CCDC27: variants seen among roughly 807,000 people sequenced by gnomAD.
The protein encoded by CCDC27 is coiled-coil domain containing 27.
CCDC27 carries 80 observed loss-of-function variants against 80.3 expected under a neutral mutation model. The ratio of observed to expected loss-of-function variants is 1.00; its 90% CI spans 0.83 to 1.20. The LOEUF (loss-of-function observed/expected upper bound fraction) is 1.20, where lower values mean the gene tolerates loss of function less well. CCDC27 is among the 50% of genes most tolerant of loss of function. The probability of loss-of-function intolerance (pLI) is 0.00; values close to 1 mark genes in which losing one functional copy is unlikely to be tolerated. For synonymous variants in CCDC27, 342 were observed against 334.3 expected, an observed-to-expected ratio of 1.02 and a Z score of -0.25; for missense variants, 815 against 809.4, an observed-to-expected ratio of 1.01 and a Z score of -0.08.
rs558712307 is a variant in CCDC27, at chr1:3,758,090, A to G, written c.711+1200A>G. The stretch of plus-strand genomic sequence containing the variant: ...TTTTCTATTCTCTGGAAGAGTTTGT[A>G]TAAGACTGATGTGATTTCTTCCTTG... On this transcript the variant is annotated intron_variant, in intron 4 of 11. Transcript: ENST00000294600. 7.7e-4 allele frequency among the ~76,000 whole-genome samples: 117 copies of G among 152,144 alleles called. 1 individual carries two copies. The highest frequency in any genetic ancestry group is 2.0e-3 in the Admixed American group (31 of 15,278).
chr1:3,766,640 C>T lies in CCDC27; in HGVS notation c.1530+28C>T, dbSNP rs374173047. The T allele has an allele frequency of 3.2e-6, 5 of 1,577,738 alleles. No individual in the cohort carries two copies. In the African/African-American group the frequency reaches 6.8e-5, roughly 21 times the overall value. On this transcript the variant is annotated intron_variant, in intron 9 of 11. Coordinates refer to ENST00000294600, the MANE Select transcript of CCDC27 (RefSeq NM_152492.3). The surrounding 1 kb of genome is among the most constrained non-coding windows in gnomAD (Gnocchi z 6.1). ...GACAGCCTGGGTGTCGTTAAATGAT[C>T]AGCCAGGCCACTGTTCTTACTGTAA...
Position 3,761,396 on chromosome 1 carries a change from A to G in CCDC27, c.827A>G (p.Lys276Arg). The G allele has an allele frequency of 6.2e-7, 1 of 1,614,082 alleles. No individual in the cohort carries two copies. The highest frequency in any genetic ancestry group is 8.5e-7 in the Non-Finnish European group (1 of 1,180,030). The change falls in exon 5 of 12, where the codon AAA becomes AGA. Residue 276 changes from lysine to arginine, a missense_variant. By Grantham distance (26) the Lys-to-Arg change is conservative (BLOSUM62 2). Transcript: ENST00000294600. This position sits in a 1 kb window ranked among gnomAD's most constrained non-coding sequence, Gnocchi z 5.0. ...KMQLKCLLKG[K>R]GQETSMSPGR... ...CAGCTGAAATGCCTTCTGAAAGGCA[A>G]AGGCCAAGAGACATCCATGTCCCCA...
At position 3,762,667 on chromosome 1, in the gene CCDC27, G is replaced by A. The variant is rs1434536341; in HGVS notation, c.909G>A (p.Leu303=). 1 of 1,550,004 alleles carries A rather than the reference G, an allele frequency of 6.5e-7. No homozygotes were observed. Among genetic ancestry groups the A allele is most frequent in the African/African-American group, 1.4e-5 (1 of 73,012 alleles). The stretch of plus-strand genomic sequence containing the variant: ...TGAAGCTGGGCAGGCTGAGCCTCCT[G>A]AAGGCCTTCTCCAGACATGAGGAGG... ...ASLKLGRLSL[L]KAFSRHEEEL... Residue 303 remains leucine, a synonymous_variant, in exon 6 of 12, where the codon CTG becomes CTA. Transcript: ENST00000294600.
chr1:3,754,043 C>G, intron 1 of CCDC27, 75 bp from the exon 2 acceptor site: 1 of 1,566,382 alleles, frequency 6.4e-7, no homozygotes, highest in Non-Finnish European at 8.7e-7. Context: ...TTTAGGGAAA[C>G]AGGGTCTGCC....
chr1:3,755,325 G>T, intron 2 of CCDC27, 132 bp from the exon 3 acceptor site: 1 of 742,876 alleles, frequency 1.3e-6, no homozygotes, highest in Non-Finnish European at 2.4e-6. Context: ...CCCTTGCTCA[G>T]TCCCATGCAT....
chr1:3,771,154 A>G (rs528782621), intron 11 of CCDC27, among the ~76,000 whole-genome samples: 3 of 152,250 alleles, frequency 2.0e-5, no homozygotes, highest in Non-Finnish European at 2.9e-5. Context: ...GTGGCTGAAA[A>G]TCAGCCACTG....
At chr1:3,759,708 G>C (rs1643043630) in intron 4 of CCDC27, among the ~76,000 whole-genome samples, 2 of 152,088 alleles carry the variant, frequency 1.3e-5, no homozygotes, top group South Asian at 4.1e-4. Context: ...CCAGCTCCTG[G>C]GGGTCCATGA....
chr1:3,759,170 T>C (rs1338801940), intron 4 of CCDC27, among the ~76,000 whole-genome samples: 1 of 151,646 alleles, frequency 6.6e-6, no homozygotes, highest in Non-Finnish European at 1.5e-5. Context: ...TGAGCTGAGA[T>C]CGAGCCACTG....
chr1:3,765,207 C>T (rs573553852), intron 8 of CCDC27, among the ~76,000 whole-genome samples: 1 of 152,234 alleles, frequency 6.6e-6, no homozygotes, highest in East Asian at 1.9e-4. Flanking sequence ...CCAGGTTGGC[C>T]GATGATAAGT....
At chr1:3,771,331 G>C in intron 11 of CCDC27, 70 bp from the exon 12 acceptor site, 3 of 1,605,854 alleles carry the variant, frequency 1.9e-6, no homozygotes, top group Non-Finnish European at 2.6e-6. Flanking sequence ...GGCACGGACT[G>C]TGCAGACCGG....
At chr1:3,753,121 C>T (rs1237635507) in intron 1 of CCDC27, among the ~76,000 whole-genome samples, 1 of 152,074 alleles carries the variant, frequency 6.6e-6, no homozygotes, top group Non-Finnish European at 1.5e-5. Flanking sequence ...AGAAGATGTA[C>T]AGTTTGCCCC....
chr1:3,752,474 G>A lies in CCDC27; in HGVS notation c.-8G>A. 2 of 1,613,020 alleles carry A rather than the reference G, an allele frequency of 1.2e-6. No individual in the cohort carries two copies. The highest frequency in any genetic ancestry group is 1.7e-6 in the Non-Finnish European group (2 of 1,179,436). ...TGATCTCCTCCCACTGCACCAGCCA[G>A]CAGGTTCATGTTCGAGGCCATCTTC... On this transcript the variant is annotated 5_prime_UTR_variant, in exon 1 of 12. Coordinates refer to ENST00000294600, the MANE Select transcript of CCDC27 (RefSeq NM_152492.3).
intron 4 of CCDC27, among the ~76,000 whole-genome samples, chr1:3,757,714 G>A (rs1022066446): frequency 6.6e-6 from 1 of 152,092 alleles, no homozygotes; most frequent in Non-Finnish European, 1.5e-5. Flanking sequence ...ACGAGGTCAG[G>A]AGATCGAGAC....
In CCDC27 at chr1:3,761,180, C is replaced by A; in HGVS notation, c.712-101C>A. On this transcript the variant is annotated intron_variant, in intron 4 of 11. Coordinates refer to ENST00000294600, the MANE Select transcript of CCDC27 (RefSeq NM_152492.3). This position sits in a 1 kb window ranked among gnomAD's most constrained non-coding sequence, Gnocchi z 5.0. Reference sequence around the variant, plus strand: ...CTGGGACCCTGGGGTTTTGGGGTACCACGACAGCAGATCTGCTCCTCCTGG... The same window carrying A: ...CTGGGACCCTGGGGTTTTGGGGTACAACGACAGCAGATCTGCTCCTCCTGG... 7.0e-7 allele frequency: 1 copy of A among 1,432,648 alleles called. No individual in the cohort carries two copies. The highest frequency in any genetic ancestry group is 9.5e-7 in the Non-Finnish European group (1 of 1,050,434). The allele number at this position is 1,432,648 out of a possible 1,614,324, so 88.7% of individuals were successfully genotyped here.
At position 3,760,813 on chromosome 1, in the gene CCDC27, G is replaced by T. The variant is rs115984983; in HGVS notation, c.712-468G>T. ...TTTGCCTGAAAACATCTTTATTTTTGTCTTTAATTTTGAAGAATTGAGGGA... is the reference window on the plus strand; with the variant it reads ...TTTGCCTGAAAACATCTTTATTTTTTTCTTTAATTTTGAAGAATTGAGGGA... On this transcript the variant is annotated intron_variant, in intron 4 of 11. Transcript: ENST00000294600. The surrounding 1 kb of genome is among the most constrained non-coding windows in gnomAD (Gnocchi z 4.3). Among the ~76,000 whole-genome samples, 629 of 152,172 alleles carry T rather than the reference G, an allele frequency of 4.1e-3. 3 individuals carry two copies. The highest frequency in any genetic ancestry group is 0.014 in the African/African-American group (594 of 41,502).
At chr1:3,757,032 T>A in intron 4 of CCDC27, 142 bp downstream of exon 4, 1 of 955,670 alleles carries the variant, frequency 1.0e-6, no homozygotes, top group Non-Finnish European at 1.5e-6. Flanking sequence ...TAAAATGACC[T>A]CCAGACCCCC....
At chr1:3,753,983 G>A (rs926211542) in intron 1 of CCDC27, 135 bp from the exon 2 acceptor site, 2 of 1,261,308 alleles carry the variant, frequency 1.6e-6, no homozygotes, top group Non-Finnish European at 1.1e-6. Flanking sequence ...TGTGGGGTCT[G>A]CATCTACATA....
At chr1:3,764,731 G>T (rs1643187447) in intron 8 of CCDC27, among the ~76,000 whole-genome samples, 1 of 152,124 alleles carries the variant, frequency 6.6e-6, no homozygotes, top group Non-Finnish European at 1.5e-5. Context: ...TCCTCCAGTA[G>T]TTTTATCAAA....
In CCDC27 at chr1:3,761,171, T is replaced by G; in HGVS notation, c.712-110T>G. Reference sequence around the variant, plus strand: ...TTGAAATCCCTGGGACCCTGGGGTTTTGGGGTACCACGACAGCAGATCTGC... The same window carrying G: ...TTGAAATCCCTGGGACCCTGGGGTTGTGGGGTACCACGACAGCAGATCTGC... On this transcript the variant is annotated intron_variant, in intron 4 of 11. Transcript: ENST00000294600. This position sits in a 1 kb window ranked among gnomAD's most constrained non-coding sequence, Gnocchi z 5.0. 7.6e-7 allele frequency: 1 copy of G among 1,321,884 alleles called. No homozygotes were observed. Among genetic ancestry groups the G allele is most frequent in the Non-Finnish European group, 1.0e-6 (1 of 954,286 alleles). The allele number at this position is 1,321,884 out of a possible 1,614,324, so 81.9% of individuals were successfully genotyped here.
Sources: allele counts gnomAD v4.1 joint callset (sites outside exome capture counted in the v4.1 genomes callset), GRCh38; gene constraint gnomAD v4.1.1; non-coding constraint Gnocchi (gnomAD v3.1); transcripts MANE v1.5; gene names NCBI Gene and HGNC (gene_info 2026-07-23, HGNC 2026-07-21).